The following XIRP2 variants were observed in gnomAD, a reference collection of about 807,000 sequenced individuals.
XIRP2 encodes xin actin-binding repeat-containing protein 2.
XIRP2 carries 236 observed loss-of-function variants against 277.0 expected under a neutral mutation model. The observed-to-expected ratio is 0.85, with a 90% confidence interval of 0.77 to 0.95. The LOEUF is 0.95. XIRP2 is among the 40% of genes least tolerant of loss of function. The probability of loss-of-function intolerance (pLI) is 0.00; values close to 1 mark genes in which losing one functional copy is unlikely to be tolerated. For synonymous variants in XIRP2, 1,490 were observed against 1,416.5 expected (o/e 1.05, Z -1.17); for missense variants, 4,640 against 4,157.5 (o/e 1.12, Z -3.19).
intron 2 of XIRP2, among the ~76,000 whole-genome samples, chr2:166,977,915 A>G (rs967596540): frequency 1.3e-5 from 2 of 152,348 alleles, no homozygotes; most frequent in African/African-American, 2.4e-5. Flanking sequence ...CATATTCTGT[A>G]TAAGAAAGCT....
intron 2 of XIRP2, among the ~76,000 whole-genome samples, chr2:166,998,366 A>G (rs1687279929): frequency 6.6e-6 from 1 of 152,102 alleles, no homozygotes; most frequent in African/African-American, 2.4e-5. Flanking sequence ...GGCCAGGAGC[A>G]GTGGCTCATA....
Position 167,224,133 on chromosome 2 carries a change from C to G in XIRP2, c.858+5833C>G, listed in dbSNP as rs147855388. The stretch of plus-strand genomic sequence containing the variant: ...CAAGAACAAGAAGGGGGAACTCACT[C>G]TCACTCCTATCATAATGACACTAGT... On this transcript the variant is annotated intron_variant, in intron 5 of 10. Transcript: ENST00000409195. Among the ~76,000 whole-genome samples the G allele has an allele frequency of 1.6e-3, 243 of 152,268 alleles. 4 individuals carry two copies. In the East Asian group the frequency reaches 0.021, roughly 13 times the overall value.
At chr2:167,028,712 G>A (rs1051240947) in intron 2 of XIRP2, among the ~76,000 whole-genome samples, 1 of 151,648 alleles carries the variant, frequency 6.6e-6, no homozygotes, top group Non-Finnish European at 1.5e-5. Context: ...ATCACCAAAT[G>A]AGCTAAATAA....
At chr2:167,062,545 A>G (rs150617569) in intron 2 of XIRP2, among the ~76,000 whole-genome samples, 2,487 of 152,158 alleles carry the variant, frequency 0.016, 30 homozygotes, top group African/African-American at 0.026. Context: ...TTTGGGAATT[A>G]TTCTCCCCTC....
At chr2:166,888,855 G>A (rs376810462) in intron 1 of XIRP2, among the ~76,000 whole-genome samples, 17 of 152,282 alleles carry the variant, frequency 1.1e-4, no homozygotes, top group African/African-American at 2.9e-4. Context: ...CTCAAAACAC[G>A]TAAGTTTGGC....
At chr2:167,201,170 G>GAGAA (rs1376380198) in intron 3 of XIRP2, among the ~76,000 whole-genome samples, 1 of 145,028 alleles carries the variant, frequency 6.9e-6, no homozygotes. Context: ...GAGAGAGAGA[G>GAGAA]AGAAAGAAAG....
chr2:167,032,710 A>C (rs1574187556), intron 2 of XIRP2, among the ~76,000 whole-genome samples: 1 of 152,098 alleles, frequency 6.6e-6, no homozygotes. Context: ...ATCATCACTG[A>C]TATTAGAGAA....
intron 2 of XIRP2, among the ~76,000 whole-genome samples, chr2:167,086,268 G>T (rs1689939648): frequency 6.6e-6 from 1 of 152,156 alleles, no homozygotes; most frequent in African/African-American, 2.4e-5. Context: ...TTGGATATTG[G>T]CCCCCACTCT....
At chr2:166,918,210 T>C (rs533466321) in intron 2 of XIRP2, among the ~76,000 whole-genome samples, 16 of 152,318 alleles carry the variant, frequency 1.1e-4, no homozygotes, top group Admixed American at 8.5e-4. Flanking sequence ...AGGAATGTTG[T>C]GGAAAATATT....
At chr2:167,254,774 G>T (rs923985839) in intron 10 of XIRP2, among the ~76,000 whole-genome samples, 1 of 151,758 alleles carries the variant, frequency 6.6e-6, no homozygotes, top group Non-Finnish European at 1.5e-5. Flanking sequence ...GAAAAACTCT[G>T]TTTTTTCTCT....
At chr2:167,064,443 T>C (rs1689251886) in intron 2 of XIRP2, among the ~76,000 whole-genome samples, 1 of 151,954 alleles carries the variant, frequency 6.6e-6, no homozygotes, top group Admixed American at 6.6e-5. Flanking sequence ...TTTCTGCCTA[T>C]CACATATATC....
chr2:166,959,468 T>C (rs1558930438), intron 2 of XIRP2, among the ~76,000 whole-genome samples: 1 of 151,830 alleles, frequency 6.6e-6, no homozygotes, highest in Non-Finnish European at 1.5e-5. Context: ...ACTTACAGTA[T>C]GTGTCTGATG....
chr2:167,016,125 C>T (rs960282603), intron 2 of XIRP2, among the ~76,000 whole-genome samples: 1 of 151,760 alleles, frequency 6.6e-6, no homozygotes, highest in Non-Finnish European at 1.5e-5. Flanking sequence ...TTATCCTTGT[C>T]GATTCCGTCC....
intron 2 of XIRP2, among the ~76,000 whole-genome samples, chr2:167,055,171 A>T (rs1398763819): frequency 6.6e-6 from 1 of 152,174 alleles, no homozygotes; most frequent in Non-Finnish European, 1.5e-5. Context: ...TATTTTGTAA[A>T]ACCTTTGAAA....
At chr2:167,177,580 G>A (rs1692882732) in intron 3 of XIRP2, among the ~76,000 whole-genome samples, 2 of 152,018 alleles carry the variant, frequency 1.3e-5, no homozygotes, top group Admixed American at 6.5e-5. Flanking sequence ...CTAGGTTTTT[G>A]CCCTTATGAG....
At chr2:167,170,040 A>C (rs1386881359) in intron 3 of XIRP2, among the ~76,000 whole-genome samples, 1 of 152,164 alleles carries the variant, frequency 6.6e-6, no homozygotes, top group Non-Finnish European at 1.5e-5. Context: ...GCTGTAAGGA[A>C]TTTTGTACCT....
In XIRP2 at chr2:167,205,465, A is replaced by G. The variant is rs548782044; in HGVS notation, c.563-5270A>G. On this transcript the variant is annotated intron_variant, in intron 3 of 10. Coordinates refer to ENST00000409195, the MANE Select transcript of XIRP2 (RefSeq NM_152381.6). ...TCACCCGCAGCTATTATTTTCCCAT[A>G]AAGGTTTCCTTTTCCTTGTTATTAA... Among the ~76,000 whole-genome samples the G allele has an allele frequency of 1.2e-4, 18 of 152,264 alleles. No homozygotes were observed. The East Asian group carries it at 3.1e-3, about 26-fold the overall frequency.
chr2:167,144,359 A>G (rs909849675), intron 3 of XIRP2, among the ~76,000 whole-genome samples: 1 of 152,146 alleles, frequency 6.6e-6, no homozygotes, highest in African/African-American at 2.4e-5. Context: ...AACTGATGAA[A>G]TAGTATATGA....
At chr2:167,208,543 C>T (rs1415421263) in intron 3 of XIRP2, among the ~76,000 whole-genome samples, 1 of 152,058 alleles carries the variant, frequency 6.6e-6, no homozygotes, top group Non-Finnish European at 1.5e-5. Flanking sequence ...CTCCTGACCT[C>T]GTGATCTGCC....
Sources: allele counts gnomAD v4.1 joint callset (sites outside exome capture counted in the v4.1 genomes callset), GRCh38; gene constraint gnomAD v4.1.1; transcripts MANE v1.5; gene names NCBI Gene and HGNC (gene_info 2026-07-23, HGNC 2026-07-21).